Variants in RABGAP1L observed in about 807,000 individuals in gnomAD.
RABGAP1L encodes RAB GTPase activating protein 1 like.
Under a neutral mutation model 137.7 loss-of-function variants are expected in RABGAP1L, and 63 were observed. The observed-to-expected ratio is 0.46, with a 90% confidence interval of 0.37 to 0.56. The LOEUF is 0.56. Ranked by LOEUF, RABGAP1L falls within the 20% of genes least tolerant of loss-of-function variation. The pLI is 0.00. For missense variants in RABGAP1L, 1,095 were observed against 1,244.0 expected (o/e 0.88, Z 1.80); for synonymous variants, 431 against 433.7 (o/e 0.99, Z 0.08).
intron 17 of RABGAP1L, among the ~76,000 whole-genome samples, chr1:174,738,645 G>A (rs565733720): frequency 6.6e-6 from 1 of 152,124 alleles, no homozygotes; most frequent in Non-Finnish European, 1.5e-5. Context: ...TCTTACACAT[G>A]GGGGAGGTTG....
chr1:174,452,908 C>G (rs1655602714), intron 13 of RABGAP1L, among the ~76,000 whole-genome samples: 1 of 152,100 alleles, frequency 6.6e-6, no homozygotes, highest in Non-Finnish European at 1.5e-5. Flanking sequence ...TTATTAACAT[C>G]ACAACTTAAA....
chr1:174,824,623 A>G (rs1050647214), intron 19 of RABGAP1L, among the ~76,000 whole-genome samples: 12 of 152,164 alleles, frequency 7.9e-5, no homozygotes, highest in African/African-American at 2.7e-4. Flanking sequence ...TTAGATACCA[A>G]TGCCTGTACT....
At chr1:174,782,207 G>A (rs1177693616) in intron 18 of RABGAP1L, among the ~76,000 whole-genome samples, 3 of 152,182 alleles carry the variant, frequency 2.0e-5, no homozygotes, top group Admixed American at 6.5e-5. Flanking sequence ...AGCATGGAAT[G>A]TTCCTCCATT....
chr1:174,964,797 G>C, intron 20 of RABGAP1L: 1 of 1,367,218 alleles, frequency 7.3e-7, no homozygotes, highest in Non-Finnish European at 9.4e-7. Context: ...AATGTTTGCG[G>C]TCACAGAGAG....
intron 10 of RABGAP1L, among the ~76,000 whole-genome samples, chr1:174,293,372 T>G (rs1181303918): frequency 6.6e-6 from 1 of 152,182 alleles, no homozygotes; most frequent in African/African-American, 2.4e-5. Context: ...TGAAGAGCAC[T>G]CTGCTCATAT....
intron 13 of RABGAP1L, among the ~76,000 whole-genome samples, chr1:174,527,755 G>T (rs1664026782): frequency 6.6e-6 from 1 of 152,082 alleles, no homozygotes; most frequent in South Asian, 2.1e-4. Context: ...CCACTATCGT[G>T]TTGGAGCCTC....
intron 19 of RABGAP1L, among the ~76,000 whole-genome samples, chr1:174,861,814 G>A (rs747135817): frequency 1.3e-5 from 2 of 152,070 alleles, no homozygotes; most frequent in Non-Finnish European, 1.5e-5. Context: ...GTGTTTTGCT[G>A]TTGAGTTATA....
intron 13 of RABGAP1L, among the ~76,000 whole-genome samples, chr1:174,565,508 T>C (rs1387808550): frequency 6.6e-6 from 1 of 152,168 alleles, no homozygotes; most frequent in East Asian, 1.9e-4. Context: ...TTATGACCCC[T>C]GTCTGTAGCT....
At chr1:174,210,518 T>C (rs1668808030) in intron 1 of RABGAP1L, among the ~76,000 whole-genome samples, 1 of 152,144 alleles carries the variant, frequency 6.6e-6, no homozygotes, top group Non-Finnish European at 1.5e-5. Flanking sequence ...AACTTGAAGA[T>C]AGGCCATTTG....
chr1:174,957,658 C>A, intron 20 of RABGAP1L, 109 bp downstream of exon 20: 1 of 1,024,502 alleles, frequency 9.8e-7, no homozygotes, highest in Non-Finnish European at 1.5e-6. Context: ...CTCAAGCAAT[C>A]CTCCCACTCC....
intron 11 of RABGAP1L, among the ~76,000 whole-genome samples, chr1:174,352,984 C>T (rs529319579): frequency 1.3e-5 from 2 of 152,264 alleles, no homozygotes; most frequent in African/African-American, 2.4e-5. Context: ...GGTGACACAA[C>T]CATTTCTGTG....
At chr1:174,495,352 T>C (rs1478461930) in intron 13 of RABGAP1L, among the ~76,000 whole-genome samples, 1 of 152,190 alleles carries the variant, frequency 6.6e-6, no homozygotes, top group Non-Finnish European at 1.5e-5. Context: ...TTTCCCTTGC[T>C]CCTCTTTTTC....
intron 11 of RABGAP1L, among the ~76,000 whole-genome samples, chr1:174,361,807 G>A (rs1684166822): frequency 6.6e-6 from 1 of 152,058 alleles, no homozygotes; most frequent in Admixed American, 6.6e-5. Context: ...TCTAAGTTCT[G>A]TGGTACATGT....
intron 12 of RABGAP1L, among the ~76,000 whole-genome samples, chr1:174,392,074 A>G (rs772914814): frequency 1.3e-5 from 2 of 152,216 alleles, no homozygotes; most frequent in African/African-American, 4.8e-5. Context: ...TCTACTTGAC[A>G]TATTTTGTGA....
intron 20 of RABGAP1L, among the ~76,000 whole-genome samples, chr1:174,962,194 A>ACCCCCCCCCCCCCC (rs773567592): frequency 2.5e-5 from 1 of 40,452 alleles, no homozygotes. Flanking sequence ...AAATAAAAAT[A>ACCCCCCCCCCCCCC]CACCCCCCCC....
At chr1:174,762,669 G>A (rs1329034569) in intron 18 of RABGAP1L, among the ~76,000 whole-genome samples, 1 of 152,122 alleles carries the variant, frequency 6.6e-6, no homozygotes, top group Non-Finnish European at 1.5e-5. Context: ...GCACATAGTA[G>A]GCACTTAAAT....
At chr1:174,606,732 G>A (rs192078432) in intron 13 of RABGAP1L, among the ~76,000 whole-genome samples, 25 of 152,128 alleles carry the variant, frequency 1.6e-4, no homozygotes, top group African/African-American at 5.8e-4. Flanking sequence ...TCTCACTAAT[G>A]ATGATGTCTA....
In RABGAP1L at chr1:174,629,970, C is replaced by T. The variant is rs1572596272; in HGVS notation, c.1711-7405C>T. 2.0e-5 allele frequency among the ~76,000 whole-genome samples: 3 copies of T among 151,844 alleles called. No individual in the cohort carries two copies. In the South Asian group the frequency reaches 6.2e-4, roughly 32 times the overall value. On this transcript the variant is annotated intron_variant, in intron 13 of 25. Coordinates refer to ENST00000681986, the MANE Select transcript of RABGAP1L (RefSeq NM_001366446.1). The stretch of plus-strand genomic sequence containing the variant: ...TGAGAGAGGGCATCCCTGTCTTGTG[C>T]CAGTTTTCAAAGGGAATGCTTCCAG...
intron 14 of RABGAP1L, among the ~76,000 whole-genome samples, chr1:174,683,279 A>G (rs893874544): frequency 6.6e-6 from 1 of 152,000 alleles, no homozygotes; most frequent in African/African-American, 2.4e-5. Context: ...TCCTCTGAGC[A>G]TCTCTTTATT....
Sources: gnomAD v4.1 joint callset for allele counts (sites outside exome capture counted in the v4.1 genomes callset) on GRCh38, gnomAD v4.1.1 for gene constraint, MANE v1.5 for transcripts, NCBI Gene and HGNC (gene_info 2026-07-23, HGNC 2026-07-21) for gene names.